DNAH14: variants seen among roughly 807,000 people sequenced by gnomAD.
DNAH14 encodes axonemal beta dynein heavy chain 14.
Under a neutral mutation model 520.9 loss-of-function variants are expected in DNAH14, and 478 were observed. The observed-to-expected ratio is 0.92, with a 90% CI of 0.85 to 0.99. The LOEUF is 0.99. DNAH14 is among the 50% of genes least tolerant of loss of function. The pLI, the probability that DNAH14 is intolerant of heterozygous loss-of-function variation, is 0.00. For synonymous variants in DNAH14, 1,581 were observed against 1,757.2 expected, an observed-to-expected ratio of 0.90 and a Z score of 2.51; for missense variants, 4,831 against 5,234.5, an observed-to-expected ratio of 0.92 and a Z score of 2.38.
rs1310790523 is a variant in DNAH14 at position 225,277,489 on chromosome 1, G to C, written c.8258G>C (p.Ser2753Thr). 2 of 470,976 alleles carry C rather than the reference G, an allele frequency of 4.2e-6. No individual in the cohort carries two copies. The highest frequency in any genetic ancestry group is 4.7e-5 in the Admixed American group (2 of 42,582). The allele number at this position is 470,976 out of a possible 1,614,324, so 29.2% of individuals were successfully genotyped here. A position where few individuals can be genotyped will look rare whatever the true frequency, so the allele number is the denominator to read the frequency against. The stretch of plus-strand genomic sequence containing the variant: ...ACAAGGGTTCTTCGACAACCAGGGA[G>C]TCACATGTTACTGGTAGGAATTTAA... ...RATRVLRQPGSHMLLIGIDGC... is the reference protein window; with the variant it reads ...RATRVLRQPGTHMLLIGIDGC... Residue 2753 changes from serine to threonine, a missense_variant, in exon 54 of 86, where the codon AGT becomes ACT. By Grantham distance (58) the Ser-to-Thr change is moderately conservative. Coordinates refer to ENST00000682510, the MANE Select transcript of DNAH14 (RefSeq NM_001367479.1).
rs191775178 is a variant in DNAH14 at position 225,001,743 on chromosome 1, G to C, written c.831-1040G>C. ...CCTAAATTTTGATAGTCACCATCTT[G>C]TTAATAAGTACTGAGATTGTGTTTG... On this transcript the variant is annotated intron_variant, in intron 8 of 85. Transcript: ENST00000682510. Among the ~76,000 whole-genome samples, 18 of 152,216 alleles carry C rather than the reference G, an allele frequency of 1.2e-4. No individual in the cohort carries two copies. In the East Asian group the frequency reaches 3.5e-3, roughly 29 times the overall value.
Position 225,337,459 on chromosome 1 carries a change from A to G in DNAH14, c.10274A>G (p.Glu3425Gly), listed in dbSNP as rs1258776139. Residue 3425 changes from glutamate to glycine, a missense_variant, in exon 67 of 86, where the codon GAA becomes GGA. Transcript: ENST00000682510. ...GACAGCAATTATACCAAAAAAATTG[A>G]AAATGCTATGAAGACAGGAGGGAGT... is the stretch of plus-strand genomic sequence containing the variant. ...IEDSNYTKKI[E>G]NAMKTGGSVL... is the part of the protein sequence containing the mutation. 1.3e-6 allele frequency: 2 copies of G among 1,551,782 alleles called. No individual in the cohort carries two copies. Among genetic ancestry groups the G allele is most frequent in the African/African-American group, 1.4e-5 (1 of 73,028 alleles).
chr1:225,345,447 A>G (rs191190201), intron 69 of DNAH14, among the ~76,000 whole-genome samples: 2 of 152,268 alleles, frequency 1.3e-5, no homozygotes, highest in Non-Finnish European at 2.9e-5. Flanking sequence ...TTTATTATCT[A>G]TACTTTCTAG....
In DNAH14 at chr1:224,929,790, C is replaced by A; in HGVS notation, c.-79C>A. Reference sequence around the variant, plus strand: ...CGGCGTGGGCGGGCCGGACCTTCGCCGCTTCCAGGAAGGGCCACAACGGCC... The same window carrying A: ...CGGCGTGGGCGGGCCGGACCTTCGCAGCTTCCAGGAAGGGCCACAACGGCC... On this transcript the variant is annotated 5_prime_UTR_variant, in exon 1 of 86. Coordinates refer to ENST00000682510, the MANE Select transcript of DNAH14 (RefSeq NM_001367479.1). 1.4e-6 allele frequency: 1 copy of A among 700,674 alleles called. No individual in the cohort carries two copies. Among genetic ancestry groups the A allele is most frequent in the Non-Finnish European group, 2.6e-6 (1 of 383,650 alleles). 43.4% of individuals were successfully genotyped at this position (700,674 alleles called of 1,614,324 possible).
chr1:225,273,263 C>G (rs2093362183), intron 52 of DNAH14, 138 bp downstream of exon 52: 1 of 956,508 alleles, frequency 1.0e-6, no homozygotes, highest in Non-Finnish European at 1.4e-6. Context: ...AACCCCGTGT[C>G]TACTAAAAAT....
intron 41 of DNAH14, among the ~76,000 whole-genome samples, chr1:225,207,562 T>C (rs906058856): frequency 2.6e-5 from 4 of 152,142 alleles, no homozygotes; most frequent in Non-Finnish European, 5.9e-5. Context: ...TAAGTTGTAA[T>C]CACACAAAGG....
intron 17 of DNAH14, among the ~76,000 whole-genome samples, chr1:225,059,796 G>A (rs11487466): frequency 0.048 from 7,323 of 151,940 alleles, 11 homozygotes; most frequent in African/African-American, 0.16. Context: ...AGCTTAGTTT[G>A]GCTGGATATG....
At position 224,965,131 on chromosome 1, in the gene DNAH14, A is replaced by C. The variant is rs557455253; in HGVS notation, c.498+522A>C. ...CAAGGTCACATGACCAGAGGGTGAA[A>C]GCTATGGTAAGAACTAAGGTGTGTG... On this transcript the variant is annotated intron_variant, in intron 5 of 85. Transcript: ENST00000682510. Among the ~76,000 whole-genome samples the C allele has an allele frequency of 9.9e-5, 15 of 152,180 alleles. No individual in the cohort carries two copies. In the South Asian group the frequency reaches 1.9e-3, roughly 19 times the overall value.
At chr1:225,228,308 C>A (rs1428049118) in intron 41 of DNAH14, among the ~76,000 whole-genome samples, 3 of 152,130 alleles carry the variant, frequency 2.0e-5, no homozygotes, top group Non-Finnish European at 2.9e-5. Context: ...GCCTGCAAGC[C>A]CTTGAAGCTG....
chr1:225,300,839 C>G (rs993219576), intron 55 of DNAH14, 30 bp from the exon 56 acceptor site: 1 of 1,543,356 alleles, frequency 6.5e-7, no homozygotes, highest in Non-Finnish European at 8.8e-7. Flanking sequence ...ATAATTTACT[C>G]TTCCTCATTA....
intron 34 of DNAH14, among the ~76,000 whole-genome samples, chr1:225,158,470 A>T (rs1004387502): frequency 1.3e-5 from 2 of 152,158 alleles, no homozygotes; most frequent in Non-Finnish European, 2.9e-5. Context: ...ACACCTTCTA[A>T]TAATAACTGG....
chr1:224,991,528 T>G (rs1356005300), intron 8 of DNAH14, among the ~76,000 whole-genome samples: 1 of 152,008 alleles, frequency 6.6e-6, no homozygotes, highest in East Asian at 1.9e-4. Context: ...CAGGCTGGAG[T>G]GCAGTGGTGT....
At chr1:225,159,870 A>G (rs2081367059) in intron 35 of DNAH14, among the ~76,000 whole-genome samples, 1 of 152,208 alleles carries the variant, frequency 6.6e-6, no homozygotes. Flanking sequence ...TTAAAATTAC[A>G]TATTATAATG....
intron 60 of DNAH14, among the ~76,000 whole-genome samples, chr1:225,310,204 TG>T (rs2094334226): frequency 6.6e-6 from 1 of 151,990 alleles, no homozygotes. Context: ...TTTTGTTTTT[TG>T]CCATACCACA....
chr1:224,975,416 T>C (rs1401137847), intron 8 of DNAH14, among the ~76,000 whole-genome samples: 2 of 152,106 alleles, frequency 1.3e-5, no homozygotes, highest in African/African-American at 4.8e-5. Flanking sequence ...CTGTTATTGG[T>C]CTATTCAGAG....
chr1:224,999,823 A>G (rs1428076594), intron 8 of DNAH14, among the ~76,000 whole-genome samples: 1 of 152,124 alleles, frequency 6.6e-6, no homozygotes, highest in African/African-American at 2.4e-5. Flanking sequence ...TGATATGTAG[A>G]AACTTTCATG....
chr1:225,305,792 CTGTCACGTATCCAGCTAATAAT>C (rs2094227919), intron 58 of DNAH14, among the ~76,000 whole-genome samples: 1 of 152,206 alleles, frequency 6.6e-6, no homozygotes, highest in South Asian at 2.1e-4. Context: ...TCTCCTAAAC[CTGTCACGTATCCAGCTAATAAT>C]TGTTTTTTAA....
chr1:225,031,374 C>T (rs2066510005), intron 11 of DNAH14, among the ~76,000 whole-genome samples: 1 of 152,010 alleles, frequency 6.6e-6, no homozygotes, highest in African/African-American at 2.4e-5. Flanking sequence ...TGGACTATAG[C>T]CACGCCCATT....
At chr1:225,394,973 A>C (rs1437382472) in intron 84 of DNAH14, among the ~76,000 whole-genome samples, 1 of 152,138 alleles carries the variant, frequency 6.6e-6, no homozygotes, top group East Asian at 1.9e-4. Context: ...CCCTACTTCA[A>C]CTTTGTCATA....
Sources: gnomAD v4.1 joint callset for allele counts (sites outside exome capture counted in the v4.1 genomes callset) on GRCh38, gnomAD v4.1.1 for gene constraint, MANE v1.5 for transcripts, NCBI Gene and HGNC (gene_info 2026-07-23, HGNC 2026-07-21) for gene names.